ABCC4: variants seen among roughly 807,000 people sequenced by gnomAD.
ABCC4 encodes ATP binding cassette subfamily C member 4 (PEL blood group).
In ABCC4, 102 loss-of-function variants were observed where a neutral mutation model predicts 168.5. That is an observed-to-expected ratio of 0.61 (90% CI 0.52 to 0.71). The LOEUF (loss-of-function observed/expected upper bound fraction) is 0.71, where lower values mean the gene tolerates loss of function less well. ABCC4 is among the 30% of genes least tolerant of loss of function. ABCC4 has a pLI of 0.00. For synonymous variants in ABCC4, 617 were observed against 590.7 expected (o/e 1.04, Z -0.65); for missense variants, 1,402 against 1,605.8 (o/e 0.87, Z 2.17).
intron 20 of ABCC4, among the ~76,000 whole-genome samples, chr13:95,105,975 G>A (rs1015060469): frequency 6.6e-6 from 1 of 152,202 alleles, no homozygotes; most frequent in Non-Finnish European, 1.5e-5. Flanking sequence ...CCGGTTACCG[G>A]CCTCGCTGAT....
intron 14 of ABCC4, among the ~76,000 whole-genome samples, chr13:95,168,254 T>C (rs530140932): frequency 2.0e-5 from 3 of 152,168 alleles, no homozygotes; most frequent in Non-Finnish European, 4.4e-5. Flanking sequence ...GCCACACTAG[T>C]CTCAGCCCTC....
chr13:95,145,946 T>A (rs952368475), intron 19 of ABCC4, among the ~76,000 whole-genome samples: 2 of 152,134 alleles, frequency 1.3e-5, no homozygotes, highest in African/African-American at 4.8e-5. Context: ...GCACAGTGGC[T>A]CACGGCTGTA....
chr13:95,065,573 T>C (rs2033501888), intron 25 of ABCC4, among the ~76,000 whole-genome samples: 1 of 152,236 alleles, frequency 6.6e-6, no homozygotes, highest in South Asian at 2.1e-4. Flanking sequence ...CCCCTATTTG[T>C]GGATGTTTAG....
Position 95,115,950 on chromosome 13 carries a change from A to C in ABCC4, c.2507T>G (p.Leu836Arg), listed in dbSNP as rs2035363065. The C allele has an allele frequency of 6.2e-7, 1 of 1,613,416 alleles. No individual in the cohort carries two copies. The highest frequency in any genetic ancestry group is 8.5e-7 in the Non-Finnish European group (1 of 1,179,864). ...SKDIGHLDDL[L>R]PLTFLDFIQT... ...GATGAAATCTAAAAACGTCAGCGGC[A>C]GCAAATCATCCAAGTGTCCAATGTC... is the stretch of plus-strand genomic sequence containing the variant. The change falls in exon 20 of 31, where the codon CTG becomes CGG. Residue 836 changes from leucine to arginine, a missense_variant. Around this residue, in one of 3 missense-constraint regions of ABCC4, gnomAD observed 1,007 missense variants for 1,127.3 expected, o/e 0.89. Transcript: ENST00000645237.
chr13:95,044,575 A>C, intron 27 of ABCC4, 137 bp from the exon 28 acceptor site: 7 of 635,518 alleles, frequency 1.1e-5, no homozygotes, highest in East Asian at 6.2e-5. Flanking sequence ...AGGCTGAATT[A>C]CCTCTAGTTA....
Position 95,034,685 on chromosome 13 carries a change from T to C in ABCC4, c.3790A>G (p.Asn1264Asp). The change falls in exon 30 of 31, where the codon AAT becomes GAT. Residue 1264 changes from asparagine to aspartate, a missense_variant. This residue lies in a region of ABCC4 where 1,007 missense variants were observed against 1,127.3 expected (regional missense o/e 0.89). Transcript: ENST00000645237. ...EYDEPYVLLQNKESLFYKMVQ... is the reference protein window; with the variant it reads ...EYDEPYVLLQDKESLFYKMVQ... Reference sequence around the variant, plus strand: ...ATCTTGTAAAATAGGCTCTCTTTATTTTGCAGCAAAACATACGGCTCATCA... The same window carrying C: ...ATCTTGTAAAATAGGCTCTCTTTATCTTGCAGCAAAACATACGGCTCATCA... The C allele has an allele frequency of 6.2e-7, 1 of 1,614,234 alleles. No individual in the cohort carries two copies.
At chr13:95,123,580 T>C (rs1294527843) in intron 19 of ABCC4, among the ~76,000 whole-genome samples, 1 of 152,184 alleles carries the variant, frequency 6.6e-6, no homozygotes, top group African/African-American at 2.4e-5. Flanking sequence ...TGGGCTGGTC[T>C]CAAACTCCTG....
intron 11 of ABCC4, among the ~76,000 whole-genome samples, chr13:95,179,777 C>T (rs963731418): frequency 6.6e-6 from 1 of 152,090 alleles, no homozygotes; most frequent in East Asian, 1.9e-4. Flanking sequence ...CTGACAAAGC[C>T]GGGGAGACAA....
chr13:95,256,556 C>T (rs2040397223), intron 1 of ABCC4, among the ~76,000 whole-genome samples: 1 of 152,138 alleles, frequency 6.6e-6, no homozygotes, highest in African/African-American at 2.4e-5. Context: ...AGTAGTTTGA[C>T]ACCAGCCTGG....
At chr13:95,148,476 T>G (rs1180306961) in intron 19 of ABCC4, among the ~76,000 whole-genome samples, 1 of 152,112 alleles carries the variant, frequency 6.6e-6, no homozygotes, top group Non-Finnish European at 1.5e-5. Context: ...TATTTGCTGA[T>G]TAATTTTCAA....
intron 20 of ABCC4, among the ~76,000 whole-genome samples, chr13:95,095,033 T>C (rs1289020639): frequency 6.6e-6 from 1 of 152,198 alleles, no homozygotes; most frequent in Non-Finnish European, 1.5e-5. Flanking sequence ...GGAACTCTTC[T>C]ACACTGCTGG....
chr13:95,144,800 A>T (rs2036436006), intron 19 of ABCC4, among the ~76,000 whole-genome samples: 1 of 152,208 alleles, frequency 6.6e-6, no homozygotes, highest in South Asian at 2.1e-4. Flanking sequence ...AAATGGCCAT[A>T]CTGCCCAGAG....
intron 25 of ABCC4, among the ~76,000 whole-genome samples, chr13:95,070,631 C>G (rs2033692356): frequency 6.6e-6 from 1 of 152,148 alleles, no homozygotes; most frequent in Non-Finnish European, 1.5e-5. Flanking sequence ...GGTGCCTTTA[C>G]TGCCTCCAGC....
chr13:95,226,348 T>G (rs908866918), intron 4 of ABCC4, among the ~76,000 whole-genome samples: 3 of 152,108 alleles, frequency 2.0e-5, no homozygotes, highest in African/African-American at 7.2e-5. Context: ...CTATAGTAAT[T>G]AAGATAATTT....
intron 3 of ABCC4, among the ~76,000 whole-genome samples, chr13:95,241,643 T>C (rs2138784567): frequency 6.6e-6 from 1 of 152,240 alleles, no homozygotes; most frequent in South Asian, 2.1e-4. Flanking sequence ...GCTGTTCTGT[T>C]CTAATTAGCA....
intron 27 of ABCC4, among the ~76,000 whole-genome samples, chr13:95,051,433 A>G (rs2032825500): frequency 6.6e-6 from 1 of 152,188 alleles, no homozygotes; most frequent in African/African-American, 2.4e-5. Context: ...CAGTGGTGCA[A>G]TCATGGCTCA....
intron 19 of ABCC4, among the ~76,000 whole-genome samples, chr13:95,160,070 C>T (rs573874946): frequency 1.4e-5 from 2 of 147,048 alleles, no homozygotes; most frequent in South Asian, 4.2e-4. Context: ...AAAACTGTGA[C>T]ACAGAAAAAT....
intron 4 of ABCC4, among the ~76,000 whole-genome samples, chr13:95,218,909 G>GAGATGAGAGAGAA (rs1311685372): frequency 4.8e-4 from 15 of 31,460 alleles, no homozygotes; most frequent in African/African-American, 9.4e-4. Flanking sequence ...GAGAGAAAGA[G>GAGATGAGAGAGAA]AGAGAGAGAG....
chr13:95,075,326 G>C, intron 22 of ABCC4, 106 bp downstream of exon 22: 2 of 1,475,236 alleles, frequency 1.4e-6, no homozygotes, highest in East Asian at 4.6e-5. Flanking sequence ...CAGGATGTGG[G>C]GCTGGGCCCT....
Sources: allele counts gnomAD v4.1 joint callset (sites outside exome capture counted in the v4.1 genomes callset), GRCh38; gene constraint gnomAD v4.1.1; regional missense constraint gnomAD v4.1.1; transcripts MANE v1.5; gene names NCBI Gene and HGNC (gene_info 2026-07-23, HGNC 2026-07-21).